Variants in PTPN9 observed in about 807,000 individuals in gnomAD.
PTPN9 encodes the protein tyrosine-protein phosphatase non-receptor type 9.
PTPN9 carries 26 observed loss-of-function variants against 69.8 expected under a neutral mutation model. That is an observed-to-expected ratio of 0.37 (90% CI 0.27 to 0.52). PTPN9 has a LOEUF of 0.52. PTPN9 is among the 20% of genes least tolerant of loss of function. PTPN9 has a pLI of 0.91. For synonymous variants in PTPN9, 274 were observed against 272.5 expected, an observed-to-expected ratio of 1.01 and a Z score of -0.05; for missense variants, 549 against 740.3, an observed-to-expected ratio of 0.74 and a Z score of 3.00.
At chr15:75,506,663 C>G (rs1373233149) in intron 6 of PTPN9, among the ~76,000 whole-genome samples, 1 of 152,022 alleles carries the variant, frequency 6.6e-6, no homozygotes, top group Admixed American at 6.6e-5. Context: ...ATGCACACAA[C>G]CACGCCCAGC....
At chr15:75,516,741 CTTTTT>C (rs34906409) in intron 5 of PTPN9, among the ~76,000 whole-genome samples, 7 of 87,924 alleles carry the variant, frequency 8.0e-5, no homozygotes, top group African/African-American at 3.7e-4. Context: ...TGTTCCTGTG[CTTTTT>C]TTTTTTTTTT....
At chr15:75,493,107 AT>A (rs2074720623) in intron 7 of PTPN9, among the ~76,000 whole-genome samples, 1 of 152,162 alleles carries the variant, frequency 6.6e-6, no homozygotes. Flanking sequence ...GTGAGCTATG[AT>A]TGCATCCCTG....
chr15:75,472,575 C>T (rs539526381), intron 10 of PTPN9, among the ~76,000 whole-genome samples: 4 of 151,948 alleles, frequency 2.6e-5, no homozygotes, highest in South Asian at 4.2e-4. Context: ...CAACAGATCA[C>T]GAGGTCAGGA....
chr15:75,501,031 T>C (rs2074769898), intron 7 of PTPN9, among the ~76,000 whole-genome samples: 2 of 152,180 alleles, frequency 1.3e-5, no homozygotes, highest in Admixed American at 1.3e-4. Context: ...ATATGGTCTG[T>C]GTCCCCTTTT....
intron 6 of PTPN9, among the ~76,000 whole-genome samples, chr15:75,508,386 G>A (rs1230677446): frequency 1.3e-5 from 2 of 151,922 alleles, no homozygotes; most frequent in Non-Finnish European, 2.9e-5. Context: ...AATTTTGAAC[G>A]CTTTTGAAAT....
At chr15:75,522,228 T>C (rs1346599333) in intron 4 of PTPN9, among the ~76,000 whole-genome samples, 1 of 152,184 alleles carries the variant, frequency 6.6e-6, no homozygotes, top group Non-Finnish European at 1.5e-5. Flanking sequence ...GTCAATTGAA[T>C]TGTAACAATA....
chr15:75,530,712 T>TATATAATATACTATTATATATATTATA (rs2074956608), intron 1 of PTPN9, among the ~76,000 whole-genome samples: 1 of 18,972 alleles, frequency 5.3e-5, no homozygotes, highest in African/African-American at 5.4e-4. Context: ...TATATATTAT[T>TATATAATATACTATTATATATATTATA]ATATAATATA....
chr15:75,466,545 G>A lies in PTPN9; in HGVS notation c.*2224C>T, dbSNP rs2074537221. 6.6e-6 allele frequency: 1 copy of A among 152,196 alleles called. No homozygotes were observed. The highest frequency in any genetic ancestry group is 2.4e-5 in the African/African-American group (1 of 41,424). The allele number at this position is 152,196 out of a possible 1,614,324, so 9.4% of individuals were successfully genotyped here. On this transcript the variant is annotated 3_prime_UTR_variant, in exon 13 of 13. Coordinates refer to ENST00000618819, the MANE Select transcript of PTPN9 (RefSeq NM_002833.4). The stretch of plus-strand genomic sequence containing the variant: ...CTGCAGACATGAGGACCCTACATCA[G>A]GAGGTCCTAGCTAGGACAGTCAGTC...
chr15:75,525,416 A>G (rs1290529112), intron 2 of PTPN9, among the ~76,000 whole-genome samples: 68 of 148,942 alleles, frequency 4.6e-4, no homozygotes, highest in Admixed American at 4.5e-3. Context: ...CTGGTCTCCA[A>G]CTCCTGGGCT....
At chr15:75,544,861 G>C (rs1294981521) in intron 1 of PTPN9, among the ~76,000 whole-genome samples, 1 of 152,086 alleles carries the variant, frequency 6.6e-6, no homozygotes, top group Non-Finnish European at 1.5e-5. Context: ...GGAAAGAAAG[G>C]AGGAATGTGA....
chr15:75,549,257 G>T (rs1260524575), intron 1 of PTPN9, among the ~76,000 whole-genome samples: 10 of 152,038 alleles, frequency 6.6e-5, no homozygotes, highest in African/African-American at 2.4e-4. Flanking sequence ...CTGGATTACA[G>T]TGGTGAGGAC....
At chr15:75,537,369 A>C (rs1226835920) in intron 1 of PTPN9, among the ~76,000 whole-genome samples, 66 of 147,168 alleles carry the variant, frequency 4.5e-4, no homozygotes, top group Non-Finnish European at 7.9e-4. Flanking sequence ...AAAAAAAAAA[A>C]AAACTAGTGA....
At chr15:75,507,042 C>T (rs749062291) in intron 6 of PTPN9, among the ~76,000 whole-genome samples, 9 of 152,102 alleles carry the variant, frequency 5.9e-5, no homozygotes, top group East Asian at 1.9e-4. Context: ...ACCAGTGCTT[C>T]GACTACAAAA....
At chr15:75,504,724 G>A (rs1296125699) in intron 7 of PTPN9, among the ~76,000 whole-genome samples, 96 of 142,020 alleles carry the variant, frequency 6.8e-4, no homozygotes, top group African/African-American at 2.4e-3. Context: ...GGTGAGGGGC[G>A]CCTCTGCCCG....
rs1171085127 is a variant in PTPN9, at chr15:75,468,821, T to A, written c.1730A>T (p.Lys577Met). 6.2e-7 allele frequency: 1 copy of A among 1,614,168 alleles called. No homozygotes were observed. The highest frequency in any genetic ancestry group is 2.2e-5 in the East Asian group (1 of 44,880). The change falls in exon 13 of 13, where the codon AAG (lysine) becomes ATG (methionine). Residue 577 changes from lysine (K) to methionine (M), a missense_variant. Physicochemically the swap from Lys to Met is moderately conservative, Grantham distance 95. This residue lies in a region of PTPN9 where 30 missense variants were observed against 24.8 expected (regional missense o/e 1.21). Coordinates refer to ENST00000618819, the MANE Select transcript of PTPN9 (RefSeq NM_002833.4). ...CYKAILEFAE[K>M]EGMVSSGQNL... ...TTGGCCAGAGGATACCATGCCCTCC[T>A]TCTCTGCGAACTCCAGGATGGCCTT...
intron 2 of PTPN9, among the ~76,000 whole-genome samples, chr15:75,525,049 T>C (rs888010303): frequency 6.6e-6 from 1 of 151,970 alleles, no homozygotes; most frequent in Non-Finnish European, 1.5e-5. Flanking sequence ...GACACTAAAA[T>C]ATGGACCTCA....
At chr15:75,523,084 G>A in intron 4 of PTPN9, 37 bp downstream of exon 4, 1 of 1,604,488 alleles carries the variant, frequency 6.2e-7, no homozygotes, top group Non-Finnish European at 8.5e-7. Flanking sequence ...TTTCCTACCT[G>A]CATGTAGAAT....
intron 7 of PTPN9, among the ~76,000 whole-genome samples, chr15:75,502,273 C>A (rs904008146): frequency 6.6e-6 from 1 of 151,896 alleles, no homozygotes; most frequent in East Asian, 1.9e-4. Context: ...ATCGTGAAAC[C>A]CTGTCTCTAC....
At chr15:75,576,347 C>T (rs1247835923) in intron 1 of PTPN9, among the ~76,000 whole-genome samples, 1 of 151,984 alleles carries the variant, frequency 6.6e-6, no homozygotes, top group African/African-American at 2.4e-5. Context: ...CTAGCCTGGC[C>T]AACACGGTGA....
Sources: gnomAD v4.1 joint callset for allele counts (sites outside exome capture counted in the v4.1 genomes callset) on GRCh38, gnomAD v4.1.1 for gene constraint, gnomAD v4.1.1 regional missense constraint, MANE v1.5 for transcripts, NCBI Gene and HGNC (gene_info 2026-07-23, HGNC 2026-07-21) for gene names.